Variants in GXYLT2 observed in about 807,000 individuals in gnomAD.
GXYLT2 encodes glucoside xylosyltransferase 2, also known as glycosyltransferase 8 domain containing 4.
In GXYLT2, 53 loss-of-function variants were observed where a neutral mutation model predicts 45.8. The observed-to-expected ratio is 1.16, with a 90% CI of 0.93 to 1.46. GXYLT2 has a LOEUF of 1.46. Among genes scored for constraint, GXYLT2 ranks in the 40% most tolerant of loss-of-function variants. The pLI, the probability that GXYLT2 is intolerant of heterozygous loss-of-function variation, is 0.00. For synonymous variants in GXYLT2, 219 were observed against 214.2 expected (o/e 1.02, Z -0.19); for missense variants, 551 against 544.4 (o/e 1.01, Z -0.12).
chr3:72,912,007 A>ATTTTTT (rs1263544972), intron 2 of GXYLT2, among the ~76,000 whole-genome samples: 32 of 124,982 alleles, frequency 2.6e-4, no homozygotes, highest in African/African-American at 1.3e-3. Context: ...ATATATATAT[A>ATTTTTT]TATATATTTT....
intron 3 of GXYLT2, among the ~76,000 whole-genome samples, chr3:72,935,862 G>A (rs548998768): frequency 6.6e-6 from 1 of 152,192 alleles, no homozygotes; most frequent in Admixed American, 6.5e-5. Flanking sequence ...TGAGTCTAAT[G>A]TACTCCACTG....
intron 1 of GXYLT2, among the ~76,000 whole-genome samples, chr3:72,895,285 C>G (rs1438488328): frequency 6.6e-6 from 1 of 152,132 alleles, no homozygotes; most frequent in Non-Finnish European, 1.5e-5. Flanking sequence ...GGGGCAGCTC[C>G]CAACACTGTT....
At chr3:72,912,953 A>T (rs1005774509) in intron 2 of GXYLT2, among the ~76,000 whole-genome samples, 1 of 152,044 alleles carries the variant, frequency 6.6e-6, no homozygotes, top group African/African-American at 2.4e-5. Context: ...ATTATTGCAG[A>T]TAGTTGTGAA....
chr3:72,942,232 T>G (rs548119818), intron 3 of GXYLT2, among the ~76,000 whole-genome samples: 69 of 152,120 alleles, frequency 4.5e-4, no homozygotes, highest in Non-Finnish European at 8.2e-4. Flanking sequence ...TAATTTTTCA[T>G]AAGTCCACAC....
Position 72,948,698 on chromosome 3 carries a change from G to A in GXYLT2, c.601-6400G>A, listed in dbSNP as rs557309102. ...CTGAAAATACAAAAATTAGCTGGGCGTGGTGGTGGGCGCCTGTAATCCCAG... is the reference window on the plus strand; with the variant it reads ...CTGAAAATACAAAAATTAGCTGGGCATGGTGGTGGGCGCCTGTAATCCCAG... On this transcript the variant is annotated intron_variant, in intron 3 of 6. Transcript: ENST00000389617. 3.9e-5 allele frequency among the ~76,000 whole-genome samples: 6 copies of A among 152,088 alleles called. No homozygotes were observed. The South Asian group carries it at 8.3e-4, about 21-fold the overall frequency.
At chr3:72,955,591 T>C (rs2107142012) in intron 4 of GXYLT2, among the ~76,000 whole-genome samples, 1 of 152,364 alleles carries the variant, frequency 6.6e-6, no homozygotes, top group Middle Eastern at 3.4e-3. Flanking sequence ...GTTGCATTTC[T>C]GAATTCCATA....
intron 1 of GXYLT2, among the ~76,000 whole-genome samples, chr3:72,905,181 G>C (rs562149458): frequency 3.3e-5 from 5 of 151,382 alleles, no homozygotes; most frequent in African/African-American, 1.2e-4. Context: ...GCAGTGGCAC[G>C]ATCTCAGCTC....
chr3:72,974,996 T>A lies in GXYLT2; in HGVS notation c.1169T>A (p.Leu390His). 1.3e-6 allele frequency: 2 copies of A among 1,560,398 alleles called. No homozygotes were observed. The highest frequency in any genetic ancestry group is 1.7e-6 in the Non-Finnish European group (2 of 1,151,180). Residue 390 changes from leucine (L) to histidine (H), a missense_variant, in exon 7 of 7, where the codon CTC (leucine) becomes CAC (histidine). Leu to His is a moderately conservative substitution (Grantham distance 99). Coordinates refer to ENST00000389617, the MANE Select transcript of GXYLT2 (RefSeq NM_001080393.2). ...TTTCAGTTTCCCTTTCAAGACAATC[T>A]CTTTCAATCCATGTATTACCCCCTT... ...AIRDFPFQDN[L>H]FQSMYYPLQL... is the part of the protein sequence containing the mutation.
intron 2 of GXYLT2, among the ~76,000 whole-genome samples, chr3:72,911,993 G>GTGTATATATATATA (rs1381632448): frequency 3.3e-5 from 4 of 122,938 alleles, no homozygotes; most frequent in African/African-American, 1.6e-4. Context: ...GTGTGTGTGT[G>GTGTATATATATATA]TATATATATA....
intron 2 of GXYLT2, among the ~76,000 whole-genome samples, chr3:72,913,887 G>A (rs532415167): frequency 6.6e-6 from 1 of 152,242 alleles, no homozygotes; most frequent in African/African-American, 2.4e-5. Context: ...GCTTATGGTG[G>A]TGAGGCCAAA....
At chr3:72,958,272 C>CAA (rs59128233) in intron 5 of GXYLT2, among the ~76,000 whole-genome samples, 12 of 127,408 alleles carry the variant, frequency 9.4e-5, no homozygotes, top group South Asian at 2.5e-4. Context: ...GACTCTGTCT[C>CAA]AAAAAAAAAA....
chr3:72,907,124 C>G (rs566041950), intron 1 of GXYLT2, among the ~76,000 whole-genome samples: 2 of 152,222 alleles, frequency 1.3e-5, no homozygotes, highest in East Asian at 3.9e-4. Context: ...GAGAAGTGGA[C>G]AATTTCCAGA....
chr3:72,889,060 G>C (rs1240468964), intron 1 of GXYLT2, among the ~76,000 whole-genome samples: 2 of 152,104 alleles, frequency 1.3e-5, no homozygotes, highest in Non-Finnish European at 2.9e-5. Flanking sequence ...ACAGAGTGGG[G>C]GTTTCCAGAT....
intron 5 of GXYLT2, among the ~76,000 whole-genome samples, chr3:72,958,961 G>A (rs1280229624): frequency 1.4e-5 from 2 of 143,348 alleles, no homozygotes; most frequent in Non-Finnish European, 3.0e-5. Flanking sequence ...TTTTCTTAAT[G>A]AGATGAAGTT....
At chr3:72,903,702 G>A (rs1709448940) in intron 1 of GXYLT2, among the ~76,000 whole-genome samples, 1 of 152,146 alleles carries the variant, frequency 6.6e-6, no homozygotes, top group Non-Finnish European at 1.5e-5. Flanking sequence ...GTCAGGATTT[G>A]GGTAAGGGTC....
intron 4 of GXYLT2, 50 bp from the exon 5 acceptor site, chr3:72,957,179 A>G: frequency 6.4e-7 from 1 of 1,567,022 alleles, no homozygotes. Flanking sequence ...CTCAGTGGAC[A>G]AAATGTATTT....
intron 3 of GXYLT2, among the ~76,000 whole-genome samples, chr3:72,950,275 A>T (rs1194336974): frequency 1.3e-5 from 2 of 152,160 alleles, no homozygotes; most frequent in Non-Finnish European, 2.9e-5. Flanking sequence ...AGCCTGGCCA[A>T]CATGGTGAAA....
chr3:72,972,142 G>A (rs192594658), intron 6 of GXYLT2, among the ~76,000 whole-genome samples: 63 of 151,656 alleles, frequency 4.2e-4, no homozygotes, highest in Admixed American at 9.9e-4. Context: ...TGTTTCAGGT[G>A]CTCATAGACA....
At chr3:72,963,344 G>A (rs1418432486) in intron 5 of GXYLT2, among the ~76,000 whole-genome samples, 7 of 151,882 alleles carry the variant, frequency 4.6e-5, no homozygotes, top group Non-Finnish European at 1.0e-4. Flanking sequence ...AGGCTGAGGC[G>A]GGCAGATTAC....
Sources: allele counts gnomAD v4.1 joint callset (sites outside exome capture counted in the v4.1 genomes callset), GRCh38; gene constraint gnomAD v4.1.1; transcripts MANE v1.5; gene names NCBI Gene and HGNC (gene_info 2026-07-23, HGNC 2026-07-21).